Variants in RUNX1 observed in about 807,000 individuals in gnomAD.
The protein encoded by RUNX1 is RUNX family transcription factor 1.
In RUNX1, 19 loss-of-function variants were observed where a neutral mutation model predicts 42.8. The observed-to-expected ratio is 0.44, with a 90% confidence interval of 0.31 to 0.65. The LOEUF (loss-of-function observed/expected upper bound fraction) is 0.65, where lower values mean the gene tolerates loss of function less well. Among genes scored for constraint, RUNX1 ranks in the 30% least tolerant of loss-of-function variants. RUNX1 has a pLI of 0.07. For missense variants in RUNX1, 528 were observed against 672.0 expected, an observed-to-expected ratio of 0.79 and a Z score of 2.37; for synonymous variants, 271 against 289.4, an observed-to-expected ratio of 0.94 and a Z score of 0.64.
At chr21:35,001,980 A>T (rs1228976175) in intron 2 of RUNX1, among the ~76,000 whole-genome samples, 1 of 152,178 alleles carries the variant, frequency 6.6e-6, no homozygotes, top group South Asian at 2.1e-4. Context: ...AATATTACTC[A>T]AAGAAATTAA....
intron 2 of RUNX1, among the ~76,000 whole-genome samples, chr21:34,965,794 T>A (rs9976513): frequency 0.092 from 14,038 of 152,182 alleles, 984 homozygotes; most frequent in African/African-American, 0.19. Context: ...CATTTCCGAA[T>A]CAAGTATCTA....
At chr21:34,924,520 G>A (rs180820739) in intron 2 of RUNX1, among the ~76,000 whole-genome samples, 21 of 152,278 alleles carry the variant, frequency 1.4e-4, no homozygotes, top group Non-Finnish European at 2.4e-4. Flanking sequence ...AGACATTCGA[G>A]TTGGAATAAG....
chr21:34,874,152 GCACACACGCACA>G lies in RUNX1; in HGVS notation c.508+6393_508+6404del, dbSNP rs950659555. ...CTCTCTCTCTCTCTCTCTCCCCCTT[GCACACACGCACA>G]CACACACGCACACACACTCCACTGG... On this transcript the variant is annotated intron_variant, in intron 5 of 8. Coordinates refer to ENST00000675419, the MANE Select transcript of RUNX1 (RefSeq NM_001754.5). Among the ~76,000 whole-genome samples the G allele has an allele frequency of 7.1e-4, 106 of 150,222 alleles. No individual in the cohort carries two copies. The South Asian group carries it at 0.02, about 28-fold the overall frequency.
At chr21:34,814,902 C>T (rs529785145) in intron 7 of RUNX1, among the ~76,000 whole-genome samples, 2 of 152,270 alleles carry the variant, frequency 1.3e-5, no homozygotes, top group East Asian at 3.9e-4. Flanking sequence ...ATTATAACAT[C>T]TCCCTTTGTG....
At chr21:34,896,639 T>C (rs6517261) in intron 2 of RUNX1, among the ~76,000 whole-genome samples, 43,673 of 151,872 alleles carry the variant, frequency 0.29, 7,229 homozygotes, top group African/African-American at 0.45. Flanking sequence ...GCCAAGATTG[T>C]GCCATTGCAC....
rs538656577 is a variant in RUNX1 at position 34,836,239 on chromosome 21, G to A, written c.614-1638C>T. Among the ~76,000 whole-genome samples the A allele has an allele frequency of 2.4e-4, 36 of 152,350 alleles. 1 individual carries two copies. Among genetic ancestry groups the A allele is most frequent in the Admixed American group, 1.8e-3 (28 of 15,310 alleles). ...CTTGAACGCAAACAGCCTGAGTCAC[G>A]CAGGCTCAGCATGCATGTGGGAGGC... On this transcript the variant is annotated intron_variant, in intron 6 of 8. Coordinates refer to ENST00000675419, the MANE Select transcript of RUNX1 (RefSeq NM_001754.5).
intron 6 of RUNX1, among the ~76,000 whole-genome samples, chr21:34,838,662 C>T (rs1374130649): frequency 2.0e-5 from 3 of 152,114 alleles, no homozygotes; most frequent in African/African-American, 7.2e-5. Flanking sequence ...TGATTTGCTA[C>T]TGTTTTATGA....
At chr21:34,888,914 C>T (rs1419167132) in intron 3 of RUNX1, among the ~76,000 whole-genome samples, 1 of 151,520 alleles carries the variant, frequency 6.6e-6, no homozygotes, top group African/African-American at 2.4e-5. Context: ...CGGAGGCCAC[C>T]CCCGCGCCCC....
At chr21:34,827,475 G>A (rs1455427496) in intron 7 of RUNX1, among the ~76,000 whole-genome samples, 2 of 152,228 alleles carry the variant, frequency 1.3e-5, no homozygotes, top group Non-Finnish European at 2.9e-5. Context: ...TTGCCAAAGA[G>A]ATTAGTATGA....
At chr21:35,013,501 A>G (rs1452618634) in intron 2 of RUNX1, among the ~76,000 whole-genome samples, 6 of 152,232 alleles carry the variant, frequency 3.9e-5, no homozygotes, top group Non-Finnish European at 7.3e-5. Flanking sequence ...TGCAAAGTTG[A>G]GTTTATTAAA....
At chr21:35,038,276 C>T (rs915423175) in intron 2 of RUNX1, among the ~76,000 whole-genome samples, 8 of 152,154 alleles carry the variant, frequency 5.3e-5, no homozygotes, top group African/African-American at 1.2e-4. Flanking sequence ...CCCGATCCCA[C>T]CCCTGAGCTT....
chr21:35,002,419 TTTATTTA>T (rs1443466976), intron 2 of RUNX1, among the ~76,000 whole-genome samples: 63 of 136,690 alleles, frequency 4.6e-4, no homozygotes, highest in African/African-American at 1.2e-3. Context: ...TATTTATTTA[TTTATTTA>T]TTATTTATTT....
chr21:34,877,568 T>C (rs187133763), intron 5 of RUNX1, among the ~76,000 whole-genome samples: 54 of 152,198 alleles, frequency 3.5e-4, no homozygotes, highest in African/African-American at 1.3e-3. Flanking sequence ...GAACCAAGAT[T>C]TAAACTGCCA....
At position 34,895,782 on chromosome 21, in the gene RUNX1, C is replaced by A. The variant is rs187328521; in HGVS notation, c.59-2819G>T. Among the ~76,000 whole-genome samples the A allele has an allele frequency of 9.5e-4, 145 of 152,166 alleles. 1 individual carries two copies. The highest frequency in any genetic ancestry group is 1.6e-3 in the Admixed American group (25 of 15,276). Reference sequence around the variant, plus strand: ...GTAGATAGGTCATTGGAAGCACAAGCAACCTGAGGAAATGTGAACTTCAAC... The same window carrying A: ...GTAGATAGGTCATTGGAAGCACAAGAAACCTGAGGAAATGTGAACTTCAAC... On this transcript the variant is annotated intron_variant, in intron 2 of 8. Coordinates refer to ENST00000675419, the MANE Select transcript of RUNX1 (RefSeq NM_001754.5).
At chr21:34,834,021 GT>G in intron 7 of RUNX1, 1 of 364,962 alleles carries the variant, frequency 2.7e-6, no homozygotes, top group Non-Finnish European at 5.3e-6. Context: ...TGCTTGACGT[GT>G]GTGTGTGTGT....
At chr21:34,852,000 C>T (rs2057426208) in intron 6 of RUNX1, among the ~76,000 whole-genome samples, 1 of 152,098 alleles carries the variant, frequency 6.6e-6, no homozygotes, top group South Asian at 2.1e-4. Context: ...AACCCCATCT[C>T]TACTAAAAAT....
At chr21:34,955,891 C>T (rs1197152461) in intron 2 of RUNX1, among the ~76,000 whole-genome samples, 1 of 152,132 alleles carries the variant, frequency 6.6e-6, no homozygotes, top group Admixed American at 6.5e-5. Context: ...CCGGAATAGG[C>T]AAGAAGTCAA....
chr21:34,844,206 G>A (rs1217726474), intron 6 of RUNX1, among the ~76,000 whole-genome samples: 1 of 152,230 alleles, frequency 6.6e-6, no homozygotes, highest in East Asian at 1.9e-4. Context: ...ACTTGCAGAA[G>A]AGAAAGAAAG....
At chr21:34,840,404 C>T (rs1298108015) in intron 6 of RUNX1, among the ~76,000 whole-genome samples, 13 of 152,118 alleles carry the variant, frequency 8.5e-5, no homozygotes, top group Admixed American at 8.5e-4. Context: ...TTGCTGTGGA[C>T]AAGAACAAGT....
Sources: allele counts gnomAD v4.1 joint callset (sites outside exome capture counted in the v4.1 genomes callset), GRCh38; gene constraint gnomAD v4.1.1; transcripts MANE v1.5; gene names NCBI Gene and HGNC (gene_info 2026-07-23, HGNC 2026-07-21).